PRKAR1B: variants seen among roughly 807,000 people sequenced by gnomAD.
The protein encoded by PRKAR1B is cAMP-dependent protein kinase type I-beta regulatory subunit.
Under a neutral mutation model 46.5 loss-of-function variants are expected in PRKAR1B, and 22 were observed. That is an observed-to-expected ratio of 0.47 (90% CI 0.34 to 0.68). PRKAR1B has a LOEUF of 0.68. PRKAR1B is among the 30% of genes least tolerant of loss of function. The pLI is 0.01. For missense variants in PRKAR1B, 445 were observed against 535.6 expected (o/e 0.83, Z 1.67); for synonymous variants, 259 against 217.7 (o/e 1.19, Z -1.67).
intron 2 of PRKAR1B, among the ~76,000 whole-genome samples, chr7:681,131 C>A (rs1251507210): frequency 6.6e-6 from 1 of 151,994 alleles, no homozygotes; most frequent in Non-Finnish European, 1.5e-5. Context: ...CTTCACTCAG[C>A]ACTTCTCCTT....
intron 4 of PRKAR1B, among the ~76,000 whole-genome samples, chr7:628,294 T>C (rs987496344): frequency 2.0e-5 from 3 of 152,278 alleles, no homozygotes; most frequent in South Asian, 4.1e-4. Context: ...AACCTCTCTG[T>C]GCCGAGCAAG....
At position 593,027 on chromosome 7, in the gene PRKAR1B, T is replaced by C. The variant is rs968402657; in HGVS notation, c.708+3119A>G. On this transcript the variant is annotated intron_variant, in intron 7 of 10. Transcript: ENST00000537384. This position sits in a 1 kb window ranked among gnomAD's most constrained non-coding sequence, Gnocchi z 6.1. Reference sequence around the variant, plus strand: ...CTCCATCCTGGGTGACAGTGAGACATTGTTTCAAAAAAATTAAAAAAAACA... The same window carrying C: ...CTCCATCCTGGGTGACAGTGAGACACTGTTTCAAAAAAATTAAAAAAAACA... 4.6e-5 allele frequency among the ~76,000 whole-genome samples: 7 copies of C among 152,036 alleles called. No homozygotes were observed. The highest frequency in any genetic ancestry group is 1.3e-4 in the Admixed American group (2 of 15,270).
chr7:720,450 T>C (rs927266780), intron 1 of PRKAR1B, among the ~76,000 whole-genome samples: 1 of 152,236 alleles, frequency 6.6e-6, no homozygotes, highest in Non-Finnish European at 1.5e-5. Flanking sequence ...TAGAAAATAA[T>C]GTGAATTCTG....
chr7:614,382 C>T (rs1326471732), intron 4 of PRKAR1B, among the ~76,000 whole-genome samples: 1 of 152,236 alleles, frequency 6.6e-6, no homozygotes, highest in Non-Finnish European at 1.5e-5. Flanking sequence ...GCCCCGTTTA[C>T]ATCCCCTCCT....
At chr7:726,702 G>T in intron 1 of PRKAR1B, 2 of 1,237,004 alleles carry the variant, frequency 1.6e-6, no homozygotes, top group South Asian at 3.8e-5. Flanking sequence ...TCCCCTTAGT[G>T]ACCGGCGACG....
chr7:660,500 G>A (rs1207861899), intron 4 of PRKAR1B, among the ~76,000 whole-genome samples: 29 of 93,668 alleles, frequency 3.1e-4, no homozygotes, highest in Middle Eastern at 6.4e-3. Context: ...CACCCCAACA[G>A]ATCCAAATAC....
At chr7:635,307 G>C (rs916191170) in intron 4 of PRKAR1B, among the ~76,000 whole-genome samples, 2 of 152,234 alleles carry the variant, frequency 1.3e-5, no homozygotes, top group African/African-American at 2.4e-5. Flanking sequence ...CTCAGGACCA[G>C]ACTGGCCCTG....
intron 2 of PRKAR1B, chr7:691,755 G>T: frequency 8.2e-7 from 1 of 1,223,494 alleles, no homozygotes; most frequent in Non-Finnish European, 1.0e-6. Flanking sequence ...TGAGGGGATG[G>T]ACCACAGGGC....
chr7:596,032 G>A, intron 7 of PRKAR1B, 114 bp downstream of exon 7: 1 of 1,336,242 alleles, frequency 7.5e-7, no homozygotes, highest in South Asian at 1.4e-5. Context: ...CTGTCAGGGA[G>A]GTTGGAAGTG....
At chr7:570,798 G>A (rs1022749424) in intron 9 of PRKAR1B, among the ~76,000 whole-genome samples, 4 of 151,968 alleles carry the variant, frequency 2.6e-5, no homozygotes, top group Non-Finnish European at 4.4e-5. Context: ...CTCCCACCTT[G>A]GACCGCTGCC....
chr7:727,503 C>T, upstream of PRKAR1B: 1 of 309,458 alleles, frequency 3.2e-6, no homozygotes, highest in Non-Finnish European at 5.7e-6. Context: ...GCCCGGCCCC[C>T]TCCTCCCACC....
At chr7:658,642 A>G (rs1785335310) in intron 4 of PRKAR1B, among the ~76,000 whole-genome samples, 1 of 151,946 alleles carries the variant, frequency 6.6e-6, no homozygotes. Flanking sequence ...TCCACGATAA[A>G]ATGTTTTTTG....
chr7:721,415 G>A (rs1440031677), intron 1 of PRKAR1B, among the ~76,000 whole-genome samples: 1 of 152,172 alleles, frequency 6.6e-6, no homozygotes, highest in African/African-American at 2.4e-5. Flanking sequence ...GGGGGGCATT[G>A]AGGCAGGTGG....
chr7:673,725 A>T (rs1786420492), intron 4 of PRKAR1B, among the ~76,000 whole-genome samples: 1 of 152,088 alleles, frequency 6.6e-6, no homozygotes, highest in Non-Finnish European at 1.5e-5. Flanking sequence ...TGCCAGGCAG[A>T]CACCTCTGTG....
chr7:655,110 T>C (rs78703093), intron 4 of PRKAR1B, among the ~76,000 whole-genome samples: 3,307 of 152,282 alleles, frequency 0.022, 115 homozygotes, highest in African/African-American at 0.075. Context: ...ACTTCTGCCC[T>C]TGTCCCCCTA....
chr7:596,419 GC>G, intron 6 of PRKAR1B, 115 bp from the exon 7 acceptor site: 2 of 1,294,442 alleles, frequency 1.5e-6, no homozygotes, highest in Non-Finnish European at 2.1e-6. Context: ...GCAGGGCGGG[GC>G]ACAAGCCCTT....
At chr7:682,150 T>A (rs1036725146) in intron 2 of PRKAR1B, among the ~76,000 whole-genome samples, 1 of 152,108 alleles carries the variant, frequency 6.6e-6, no homozygotes, top group African/African-American at 2.4e-5. Context: ...GTCCTCGTCC[T>A]AAGGCCACAC....
intron 6 of PRKAR1B, among the ~76,000 whole-genome samples, chr7:599,708 C>T (rs1215624052): frequency 5.3e-5 from 8 of 152,270 alleles, no homozygotes; most frequent in East Asian, 1.9e-4. Context: ...CCCTGCCCAC[C>T]TTCACTCGCT....
At chr7:679,873 G>C (rs565942180) in intron 3 of PRKAR1B, among the ~76,000 whole-genome samples, 20 of 152,272 alleles carry the variant, frequency 1.3e-4, no homozygotes, top group Non-Finnish European at 2.5e-4. Context: ...GAAGAGACCA[G>C]AGATGCTGGG....
Sources: gnomAD v4.1 joint callset for allele counts (sites outside exome capture counted in the v4.1 genomes callset) on GRCh38, gnomAD v4.1.1 for gene constraint, Gnocchi (gnomAD v3.1) non-coding constraint, MANE v1.5 for transcripts, NCBI Gene and HGNC (gene_info 2026-07-23, HGNC 2026-07-21) for gene names.